The following HDAC9 variants were observed in gnomAD, a reference collection of about 807,000 sequenced individuals.
HDAC9 encodes histone deacetylase 9.
A neutral mutation model predicts 139.4 loss-of-function variants in HDAC9; 41 were observed. The observed-to-expected ratio is 0.29, with a 90% CI of 0.23 to 0.38. The LOEUF (loss-of-function observed/expected upper bound fraction) is 0.38. Among genes scored for constraint, HDAC9 ranks in the 10% least tolerant of loss-of-function variants. HDAC9 has a pLI of 1.00. For synonymous variants in HDAC9, 517 were observed against 476.2 expected, an observed-to-expected ratio of 1.09 and a Z score of -1.12; for missense variants, 1,147 against 1,297.0, an observed-to-expected ratio of 0.88 and a Z score of 1.78.
chr7:18,620,686 G>A (rs1283606616), intron 6 of HDAC9, among the ~76,000 whole-genome samples: 5 of 152,096 alleles, frequency 3.3e-5, no homozygotes, highest in Admixed American at 1.3e-4. Context: ...GGAACTGAGT[G>A]CACTGTCATG....
intron 14 of HDAC9, among the ~76,000 whole-genome samples, chr7:18,760,005 T>G (rs1354674035): frequency 6.6e-6 from 1 of 152,148 alleles, no homozygotes; most frequent in Non-Finnish European, 1.5e-5. Context: ...TCAATGAAAG[T>G]TTATGATAGT....
Position 18,368,543 on chromosome 7 carries a change from G to A in HDAC9, c.-42+78028G>A, listed in dbSNP as rs572691888. Reference sequence around the variant, plus strand: ...GCAAAACATATTGTTTTGCTAAACCGTGCTTTATTTTCTGGGAAAAAAAAC... The same window carrying A: ...GCAAAACATATTGTTTTGCTAAACCATGCTTTATTTTCTGGGAAAAAAAAC... On this transcript the variant is annotated intron_variant, in intron 1 of 3. Coordinates refer to the HDAC9 transcript ENST00000413509. Among the ~76,000 whole-genome samples the A allele has an allele frequency of 1.9e-3, 287 of 147,570 alleles. 1 individual carries two copies. Among genetic ancestry groups the A allele is most frequent in the Non-Finnish European group, 3.1e-3 (205 of 66,756 alleles).
chr7:18,765,352 C>T (rs911941665), intron 15 of HDAC9, among the ~76,000 whole-genome samples: 22 of 152,080 alleles, frequency 1.4e-4, no homozygotes, highest in Middle Eastern at 3.4e-3. Context: ...CTGGGCACAG[C>T]GGCTCATGCC....
chr7:18,389,983 T>C (rs913896988), intron 1 of HDAC9, among the ~76,000 whole-genome samples: 2 of 151,784 alleles, frequency 1.3e-5, no homozygotes, highest in East Asian at 1.9e-4. Flanking sequence ...CATCAATTAG[T>C]GTAGTTGTTC....
chr7:18,363,152 G>A (rs867526535), intron 1 of HDAC9, among the ~76,000 whole-genome samples: 43 of 152,112 alleles, frequency 2.8e-4, no homozygotes, highest in African/African-American at 9.7e-4. Context: ...TTTAAGGAAG[G>A]CTAGGATTTA....
chr7:18,811,002 G>T (rs1057214593), intron 17 of HDAC9, among the ~76,000 whole-genome samples: 1 of 151,816 alleles, frequency 6.6e-6, no homozygotes, highest in African/African-American at 2.4e-5. Flanking sequence ...GCCTAGCAGA[G>T]AAAACAATGT....
At chr7:18,725,236 A>G (rs547022498) in intron 12 of HDAC9, among the ~76,000 whole-genome samples, 2 of 152,312 alleles carry the variant, frequency 1.3e-5, no homozygotes, top group Non-Finnish European at 2.9e-5. Flanking sequence ...AATCCAATAT[A>G]TGCCAATGTA....
intron 21 of HDAC9, among the ~76,000 whole-genome samples, chr7:18,860,269 G>A (rs1400414626): frequency 6.6e-6 from 1 of 151,894 alleles, no homozygotes; most frequent in Non-Finnish European, 1.5e-5. Context: ...TTCCTGCTAT[G>A]TGCCCAACTG....
intron 2 of HDAC9, among the ~76,000 whole-genome samples, chr7:18,538,020 C>G (rs1044703969): frequency 6.6e-6 from 1 of 152,192 alleles, no homozygotes; most frequent in African/African-American, 2.4e-5. Flanking sequence ...AATGGACTTA[C>G]TTTGTAGTAG....
chr7:18,880,384 A>C (rs1026787004), intron 22 of HDAC9, among the ~76,000 whole-genome samples: 1 of 152,196 alleles, frequency 6.6e-6, no homozygotes, highest in African/African-American at 2.4e-5. Context: ...ACTATTCACA[A>C]TAGCAGTGAC....
intron 17 of HDAC9, among the ~76,000 whole-genome samples, chr7:18,817,095 T>G (rs986207166): frequency 6.6e-6 from 1 of 151,272 alleles, no homozygotes; most frequent in Non-Finnish European, 1.5e-5. Flanking sequence ...AGTACAGTGG[T>G]GCGATCTGGG....
At chr7:18,644,961 C>T (rs1786905526) in intron 9 of HDAC9, among the ~76,000 whole-genome samples, 168 bp downstream of exon 9, 1 of 152,102 alleles carries the variant, frequency 6.6e-6, no homozygotes, top group African/African-American at 2.4e-5. Flanking sequence ...AGTCTAATTT[C>T]AAGTCAGAAT....
intron 2 of HDAC9, among the ~76,000 whole-genome samples, chr7:18,256,733 G>A (rs187364410): frequency 3.9e-5 from 6 of 152,200 alleles, no homozygotes; most frequent in African/African-American, 7.2e-5. Context: ...GAACAATTCC[G>A]TTCTTTTATT....
intron 22 of HDAC9, among the ~76,000 whole-genome samples, chr7:18,888,516 A>G (rs1294793477): frequency 6.6e-6 from 1 of 152,210 alleles, no homozygotes; most frequent in Admixed American, 6.5e-5. Flanking sequence ...CATAATAGAG[A>G]TGTATTAATT....
In HDAC9 at chr7:18,866,627, G is replaced by A. The variant is rs369875531; in HGVS notation, c.2685-7851G>A. On this transcript the variant is annotated intron_variant, in intron 21 of 25. Transcript: ENST00000686413. ...ATCCCAGTGCTTCCCATATGGCAGG[G>A]ACTCAATAAATTACTTCTAAATGAA... is the stretch of plus-strand genomic sequence containing the variant. 3.3e-5 allele frequency among the ~76,000 whole-genome samples: 5 copies of A among 152,124 alleles called. No homozygotes were observed. The East Asian group carries it at 5.8e-4, about 18-fold the overall frequency.
chr7:18,401,612 A>C (rs1345288684), intron 1 of HDAC9, among the ~76,000 whole-genome samples: 1 of 152,174 alleles, frequency 6.6e-6, no homozygotes, highest in Non-Finnish European at 1.5e-5. Context: ...TTCTCTTGTT[A>C]TAATTGTGCT....
intron 17 of HDAC9, among the ~76,000 whole-genome samples, chr7:18,799,428 A>T (rs1037526317): frequency 2.6e-5 from 4 of 152,226 alleles, no homozygotes; most frequent in Admixed American, 6.5e-5. Flanking sequence ...AAATCAGTCA[A>T]TAATAACTGT....
chr7:18,144,392 T>C (rs2128112787), intron 1 of HDAC9, among the ~76,000 whole-genome samples: 1 of 152,232 alleles, frequency 6.6e-6, no homozygotes, highest in Non-Finnish European at 1.5e-5. Context: ...ATCTTGGACT[T>C]CCCCTTTCAC....
chr7:18,225,742 G>A (rs1030631193), intron 2 of HDAC9, among the ~76,000 whole-genome samples: 1 of 152,060 alleles, frequency 6.6e-6, no homozygotes, highest in African/African-American at 2.4e-5. Flanking sequence ...ATATTTTCCT[G>A]TTGGATTTCA....
Sources: gnomAD v4.1 joint callset for allele counts (sites outside exome capture counted in the v4.1 genomes callset) on GRCh38, gnomAD v4.1.1 for gene constraint, MANE v1.5 for transcripts, NCBI Gene and HGNC (gene_info 2026-07-23, HGNC 2026-07-21) for gene names.